The following EFNA5 variants were observed in gnomAD, a reference collection of about 807,000 sequenced individuals.
EFNA5 encodes ephrin-A5.
EFNA5 carries 5 observed loss-of-function variants against 22.9 expected under a neutral mutation model. That is an observed-to-expected ratio of 0.22 (90% confidence interval 0.11 to 0.46). The LOEUF (loss-of-function observed/expected upper bound fraction) is 0.46, where lower values mean the gene tolerates loss of function less well. Among genes scored for constraint, EFNA5 ranks in the 20% least tolerant of loss-of-function variants. The pLI, the probability that EFNA5 is intolerant of heterozygous loss-of-function variation, is 0.99. For synonymous variants in EFNA5, 113 were observed against 112.2 expected (o/e 1.01, Z -0.04); for missense variants, 237 against 293.3 (o/e 0.81, Z 1.40).
At chr5:107,547,757 A>G (rs1748199716) in intron 1 of EFNA5, among the ~76,000 whole-genome samples, 1 of 152,198 alleles carries the variant, frequency 6.6e-6, no homozygotes, top group African/African-American at 2.4e-5. Context: ...AATGATTACA[A>G]GAGGTGACTT....
intron 1 of EFNA5, among the ~76,000 whole-genome samples, chr5:107,642,023 G>A (rs1750535432): frequency 6.6e-6 from 1 of 152,216 alleles, no homozygotes; most frequent in Admixed American, 6.5e-5. Context: ...GGATTAAGTG[G>A]AGACAAGGCA....
At chr5:107,516,914 A>G (rs1580507505) in intron 1 of EFNA5, among the ~76,000 whole-genome samples, 1 of 152,212 alleles carries the variant, frequency 6.6e-6, no homozygotes, top group African/African-American at 2.4e-5. Context: ...GTATGATTCC[A>G]TTTGTACAAA....
chr5:107,670,883 G>A lies in EFNA5; in HGVS notation c.-270C>T. 2.3e-6 allele frequency: 1 copy of A among 431,192 alleles called. No homozygotes were observed. Among genetic ancestry groups the A allele is most frequent in the Non-Finnish European group, 4.1e-6 (1 of 241,886 alleles). The allele number at this position is 431,192 out of a possible 1,614,324, so 26.7% of individuals were successfully genotyped here. The stretch of plus-strand genomic sequence containing the variant: ...GTTCAGGAGGAAAAAGGAATCACAA[G>A]ATGGAGAGAAGCGTGCGTGTGTGTG... On this transcript the variant is annotated 5_prime_UTR_variant, in exon 1 of 5. Transcript: ENST00000333274.
chr5:107,596,164 T>C lies in EFNA5; in HGVS notation c.125+74325A>G, dbSNP rs184596167. Reference sequence around the variant, plus strand: ...TATGGCAAAAACATAAAATTTATCATTTTAGCCATTTTAAGTGTACAGTAC... The same window carrying C: ...TATGGCAAAAACATAAAATTTATCACTTTAGCCATTTTAAGTGTACAGTAC... On this transcript the variant is annotated intron_variant, in intron 1 of 4. Coordinates refer to ENST00000333274, the MANE Select transcript of EFNA5 (RefSeq NM_001962.3). 1.5e-3 allele frequency among the ~76,000 whole-genome samples: 222 copies of C among 152,326 alleles called. 4 individuals are homozygous for C. The highest frequency in any genetic ancestry group is 2.2e-3 in the Admixed American group (33 of 15,286).
chr5:107,450,178 G>C (rs941049176), intron 1 of EFNA5, among the ~76,000 whole-genome samples: 40 of 152,142 alleles, frequency 2.6e-4, no homozygotes, highest in African/African-American at 9.7e-4. Context: ...GAGGGAACGG[G>C]ATATGCCACA....
chr5:107,488,637 A>T (rs1300006785), intron 1 of EFNA5, among the ~76,000 whole-genome samples: 1 of 152,076 alleles, frequency 6.6e-6, no homozygotes, highest in East Asian at 1.9e-4. Flanking sequence ...TCTTAAGAAG[A>T]CACACACACA....
chr5:107,524,918 G>A (rs539650083), intron 1 of EFNA5, among the ~76,000 whole-genome samples: 1 of 152,300 alleles, frequency 6.6e-6, no homozygotes, highest in East Asian at 1.9e-4. Flanking sequence ...TTAGTAGCAT[G>A]CAAGCTCCCA....
intron 1 of EFNA5, among the ~76,000 whole-genome samples, chr5:107,520,805 A>G (rs917293948): frequency 6.6e-6 from 1 of 152,228 alleles, no homozygotes. Context: ...ACTGTGGATC[A>G]AGATGTATTT....
chr5:107,650,372 T>C (rs1469017591), intron 1 of EFNA5, among the ~76,000 whole-genome samples: 1 of 152,172 alleles, frequency 6.6e-6, no homozygotes, highest in Non-Finnish European at 1.5e-5. Flanking sequence ...AGGAGACTTC[T>C]GTCTTTGAAA....
At chr5:107,523,715 T>C (rs1397717615) in intron 1 of EFNA5, among the ~76,000 whole-genome samples, 1 of 152,230 alleles carries the variant, frequency 6.6e-6, no homozygotes, top group Non-Finnish European at 1.5e-5. Flanking sequence ...TGTCATCCCT[T>C]CACTTTCCTT....
chr5:107,614,566 T>A (rs1749877198), intron 1 of EFNA5, among the ~76,000 whole-genome samples: 1 of 152,146 alleles, frequency 6.6e-6, no homozygotes, highest in Non-Finnish European at 1.5e-5. Flanking sequence ...TCTGCCTAGT[T>A]TGAAGACAAC....
chr5:107,594,074 G>T (rs774947233), intron 1 of EFNA5, among the ~76,000 whole-genome samples: 1 of 152,052 alleles, frequency 6.6e-6, no homozygotes, highest in South Asian at 2.1e-4. Context: ...AATTAAACTT[G>T]AATGGAAAAA....
chr5:107,556,718 C>T (rs1748424896), intron 1 of EFNA5, among the ~76,000 whole-genome samples: 1 of 150,942 alleles, frequency 6.6e-6, no homozygotes, highest in Non-Finnish European at 1.5e-5. Context: ...TGCACTCCAG[C>T]CTGGGTGACA....
rs143078142 is a variant in EFNA5 at position 107,445,512 on chromosome 5, T to C, written c.126-18003A>G. 1.5e-3 allele frequency among the ~76,000 whole-genome samples: 228 copies of C among 152,264 alleles called. 1 individual carries two copies. The highest frequency in any genetic ancestry group is 4.0e-3 in the African/African-American group (166 of 41,556). ...ATCTGATCTGTTCTCATCCTCCAAG[T>C]GATTTATGGCCTCAGAGACTTGACA... On this transcript the variant is annotated intron_variant, in intron 1 of 4. Transcript: ENST00000333274.
chr5:107,546,027 T>G (rs1398824327), intron 1 of EFNA5, among the ~76,000 whole-genome samples: 2 of 151,698 alleles, frequency 1.3e-5, no homozygotes, highest in African/African-American at 4.9e-5. Flanking sequence ...AGAGGAAGAG[T>G]GGACCTTTGG....
At chr5:107,483,431 C>T (rs1750539909) in intron 1 of EFNA5, among the ~76,000 whole-genome samples, 1 of 152,204 alleles carries the variant, frequency 6.6e-6, no homozygotes, top group African/African-American at 2.4e-5. Context: ...ACTCCAGCTG[C>T]TGTATCCGTC....
chr5:107,497,389 C>A (rs1747014142), intron 1 of EFNA5, among the ~76,000 whole-genome samples: 1 of 152,054 alleles, frequency 6.6e-6, no homozygotes, highest in South Asian at 2.1e-4. Flanking sequence ...GTAAACGGAG[C>A]CTTATATGGA....
chr5:107,603,889 A>C (rs1243496217), intron 1 of EFNA5, among the ~76,000 whole-genome samples: 1 of 152,238 alleles, frequency 6.6e-6, no homozygotes, highest in African/African-American at 2.4e-5. Context: ...CATAGAACAA[A>C]GTGAGTTAAT....
intron 1 of EFNA5, among the ~76,000 whole-genome samples, chr5:107,559,703 T>A (rs558086885): frequency 3.3e-5 from 5 of 152,280 alleles, no homozygotes; most frequent in Non-Finnish European, 7.4e-5. Flanking sequence ...ATTCATCACA[T>A]CTCTGGAAGA....
Sources: allele counts gnomAD v4.1 joint callset (sites outside exome capture counted in the v4.1 genomes callset), GRCh38; gene constraint gnomAD v4.1.1; transcripts MANE v1.5; gene names NCBI Gene and HGNC (gene_info 2026-07-23, HGNC 2026-07-21).